ZFHX3: variants seen among roughly 807,000 people sequenced by gnomAD.
ZFHX3 encodes zinc finger homeobox 3.
ZFHX3 carries 42 observed loss-of-function variants against 279.1 expected under a neutral mutation model. The observed-to-expected ratio is 0.15, with a 90% CI of 0.12 to 0.19. The LOEUF (loss-of-function observed/expected upper bound fraction) is 0.19. Ranked by LOEUF, ZFHX3 falls within the 10% of genes least tolerant of loss-of-function variation. ZFHX3 has a pLI of 1.00. For synonymous variants in ZFHX3, 2,293 were observed against 1,957.8 expected, an observed-to-expected ratio of 1.17 and a Z score of -4.52; for missense variants, 4,981 against 4,754.0, an observed-to-expected ratio of 1.05 and a Z score of -1.40.
intron 2 of ZFHX3, among the ~76,000 whole-genome samples, chr16:73,480,320 C>T (rs994698185): frequency 2.0e-5 from 3 of 152,220 alleles, no homozygotes; most frequent in East Asian, 1.9e-4. Context: ...TCTCTATTAG[C>T]GGCCACCACC....
intron 5 of ZFHX3, among the ~76,000 whole-genome samples, chr16:73,171,962 G>T (rs1349304191): frequency 6.6e-6 from 1 of 152,010 alleles, no homozygotes; most frequent in Non-Finnish European, 1.5e-5. Flanking sequence ...CCATCAATAT[G>T]CACAATGATT....
intron 2 of ZFHX3, among the ~76,000 whole-genome samples, chr16:73,539,129 C>CT (rs2019963664): frequency 6.6e-6 from 1 of 151,558 alleles, no homozygotes. Context: ...TTCTTTTTTT[C>CT]TTTCTTTCTT....
chr16:73,550,288 G>A (rs560568295), intron 2 of ZFHX3, among the ~76,000 whole-genome samples: 9 of 152,230 alleles, frequency 5.9e-5, no homozygotes, highest in African/African-American at 1.4e-4. Flanking sequence ...AGTCCACTCC[G>A]TTAATGTCAG....
intron 3 of ZFHX3, among the ~76,000 whole-genome samples, chr16:72,943,521 G>A (rs1318216063): frequency 2.6e-5 from 4 of 152,066 alleles, no homozygotes; most frequent in Non-Finnish European, 4.4e-5. Flanking sequence ...GACAGAGTGA[G>A]ACCCAGTCTC....
At chr16:72,846,237 C>T (rs925530085) in intron 4 of ZFHX3, among the ~76,000 whole-genome samples, 2 of 152,216 alleles carry the variant, frequency 1.3e-5, no homozygotes, top group African/African-American at 4.8e-5. Context: ...AGTTCCTTAA[C>T]ATGGGAAGCT....
intron 1 of ZFHX3, among the ~76,000 whole-genome samples, chr16:73,714,655 T>G (rs1203119781): frequency 6.6e-6 from 1 of 152,212 alleles, no homozygotes; most frequent in Admixed American, 6.5e-5. Flanking sequence ...ATTCCCAACT[T>G]CCTGATCAGC....
chr16:73,033,091 C>T (rs746295914), intron 1 of ZFHX3, among the ~76,000 whole-genome samples: 18 of 152,134 alleles, frequency 1.2e-4, no homozygotes, highest in Non-Finnish European at 1.9e-4. Context: ...CTTGACCCCA[C>T]GCGACAGGGG....
At chr16:73,098,025 T>G (rs1209992723) in intron 7 of ZFHX3, among the ~76,000 whole-genome samples, 2 of 152,032 alleles carry the variant, frequency 1.3e-5, no homozygotes, top group Non-Finnish European at 2.9e-5. Context: ...TGGAATAATG[T>G]TGCTGTCAAC....
intron 1 of ZFHX3, among the ~76,000 whole-genome samples, chr16:73,803,445 A>C (rs984390372): frequency 6.6e-6 from 1 of 152,248 alleles, no homozygotes; most frequent in Non-Finnish European, 1.5e-5. Flanking sequence ...AATTGCTACA[A>C]GATTTAAGGA....
chr16:72,908,709 T>G lies in ZFHX3; in HGVS notation c.3217-18747A>C, dbSNP rs2039247555. Reference sequence around the variant, plus strand: ...ATTGGGCTTTGTTATTATGTGACCTTCAGCAAGTTACCCGCCCGTCCCTGC... The same window carrying G: ...ATTGGGCTTTGTTATTATGTGACCTGCAGCAAGTTACCCGCCCGTCCCTGC... On this transcript the variant is annotated intron_variant, in intron 3 of 9. Coordinates refer to ENST00000268489, the MANE Select transcript of ZFHX3 (RefSeq NM_006885.4). Among the ~76,000 whole-genome samples the G allele has an allele frequency of 2.6e-5, 4 of 152,124 alleles. No individual in the cohort carries two copies. The South Asian group carries it at 8.3e-4, about 32-fold the overall frequency.
chr16:73,723,121 C>G (rs1304933912), intron 1 of ZFHX3, among the ~76,000 whole-genome samples: 1 of 152,170 alleles, frequency 6.6e-6, no homozygotes, highest in Non-Finnish European at 1.5e-5. Flanking sequence ...GATTACCTAA[C>G]AATATCCACT....
chr16:73,096,266 G>C (rs1966161923), intron 7 of ZFHX3, among the ~76,000 whole-genome samples: 2 of 151,784 alleles, frequency 1.3e-5, no homozygotes, highest in African/African-American at 4.8e-5. Context: ...CTGGAGACCG[G>C]GTGGTGGCTG....
chr16:72,993,954 C>G (rs923549416), intron 1 of ZFHX3, among the ~76,000 whole-genome samples: 7 of 152,080 alleles, frequency 4.6e-5, no homozygotes, highest in African/African-American at 1.7e-4. Context: ...TGCACTAATT[C>G]ACCCTCCATT....
intron 1 of ZFHX3, among the ~76,000 whole-genome samples, chr16:73,800,135 C>T (rs1484542320): frequency 1.3e-5 from 2 of 152,080 alleles, no homozygotes; most frequent in Admixed American, 1.3e-4. Context: ...GAGGATATTA[C>T]AACCTCATAA....
chr16:73,583,223 G>A (rs951644728), intron 2 of ZFHX3, among the ~76,000 whole-genome samples: 2 of 152,154 alleles, frequency 1.3e-5, no homozygotes, highest in South Asian at 2.1e-4. Context: ...CCCAAGAAAT[G>A]AGCCTATAAT....
intron 2 of ZFHX3, among the ~76,000 whole-genome samples, chr16:73,475,216 T>A (rs1463523771): frequency 6.6e-6 from 1 of 152,230 alleles, no homozygotes; most frequent in Non-Finnish European, 1.5e-5. Flanking sequence ...TAATTTAAAA[T>A]ATTAGCGTAT....
intron 4 of ZFHX3, among the ~76,000 whole-genome samples, chr16:72,873,715 T>C (rs1046446171): frequency 3.9e-5 from 6 of 152,272 alleles, no homozygotes; most frequent in Middle Eastern, 3.4e-3. Flanking sequence ...AAGACGAAAA[T>C]TGTCCATAAT....
chr16:73,804,224 T>C (rs1323888615), intron 1 of ZFHX3, among the ~76,000 whole-genome samples: 1 of 151,556 alleles, frequency 6.6e-6, no homozygotes, highest in Non-Finnish European at 1.5e-5. Flanking sequence ...GGAGGAAGAG[T>C]GGAACATTAG....
At chr16:73,469,321 G>A (rs1320533358) in intron 2 of ZFHX3, among the ~76,000 whole-genome samples, 2 of 152,176 alleles carry the variant, frequency 1.3e-5, no homozygotes, top group Non-Finnish European at 2.9e-5. Flanking sequence ...GAGCCAAGAA[G>A]GGCCAGACAA....
Sources: allele counts gnomAD v4.1 joint callset (sites outside exome capture counted in the v4.1 genomes callset), GRCh38; gene constraint gnomAD v4.1.1; transcripts MANE v1.5; gene names NCBI Gene and HGNC (gene_info 2026-07-23, HGNC 2026-07-21).